The following ADAMTS3 variants were observed in gnomAD, a reference collection of about 807,000 sequenced individuals.
ADAMTS3 encodes A disintegrin and metalloproteinase with thrombospondin motifs 3.
In ADAMTS3, 73 loss-of-function variants were observed where a neutral mutation model predicts 129.0. The ratio of observed to expected loss-of-function variants is 0.57; its 90% CI spans 0.47 to 0.69. ADAMTS3 has a LOEUF of 0.69. Among genes scored for constraint, ADAMTS3 ranks in the 30% least tolerant of loss-of-function variants. ADAMTS3 has a pLI of 0.00. For missense variants in ADAMTS3, 1,457 were observed against 1,514.5 expected (o/e 0.96, Z 0.63); for synonymous variants, 477 against 510.8 (o/e 0.93, Z 0.89).
chr4:72,407,678 T>G (rs1474522630), intron 4 of ADAMTS3, among the ~76,000 whole-genome samples: 1 of 152,132 alleles, frequency 6.6e-6, no homozygotes, highest in Non-Finnish European at 1.5e-5. Context: ...CACAAAGACT[T>G]AAGATGTTTG....
intron 3 of ADAMTS3, among the ~76,000 whole-genome samples, chr4:72,469,224 C>T (rs1718999681): frequency 6.6e-6 from 1 of 152,040 alleles, no homozygotes; most frequent in African/African-American, 2.4e-5. Flanking sequence ...TAACAGTTAA[C>T]CAGTTAACAA....
rs1248521173 is a variant in ADAMTS3 at position 72,400,359 on chromosome 4, A to C, written c.661+14456T>G. On this transcript the variant is annotated intron_variant, in intron 4 of 21. Transcript: ENST00000286657. ...ACACGGTGTGTATATATACGTGTGC[A>C]TAGATATGCACACGGTGTGTATATA... Among the ~76,000 whole-genome samples, 2 of 146,396 alleles carry C rather than the reference A, an allele frequency of 1.4e-5. 1 individual carries two copies. Among genetic ancestry groups the C allele is most frequent in the Non-Finnish European group, 3.0e-5 (2 of 65,940 alleles).
chr4:72,459,160 G>T (rs1718700078), intron 3 of ADAMTS3, among the ~76,000 whole-genome samples: 1 of 151,568 alleles, frequency 6.6e-6, no homozygotes, highest in South Asian at 2.1e-4. Flanking sequence ...TGTGTTAAGT[G>T]AAAGATGAGG....
chr4:72,429,421 C>T (rs554260193), intron 3 of ADAMTS3, among the ~76,000 whole-genome samples: 122 of 152,062 alleles, frequency 8.0e-4, no homozygotes, highest in Non-Finnish European at 1.3e-3. Context: ...TACCAACAGT[C>T]AGTTGTTATA....
At chr4:72,352,410 T>C (rs1720462995) in intron 4 of ADAMTS3, among the ~76,000 whole-genome samples, 1 of 152,030 alleles carries the variant, frequency 6.6e-6, no homozygotes, top group African/African-American at 2.4e-5. Context: ...CCTTCACATA[T>C]AAAGATGTTA....
At chr4:72,509,540 C>G (rs943681211) in intron 3 of ADAMTS3, among the ~76,000 whole-genome samples, 1 of 151,928 alleles carries the variant, frequency 6.6e-6, no homozygotes, top group Non-Finnish European at 1.5e-5. Context: ...TTCCTAGATA[C>G]ATACAACCTA....
At chr4:72,425,926 T>G (rs569905347) in intron 3 of ADAMTS3, among the ~76,000 whole-genome samples, 1 of 152,114 alleles carries the variant, frequency 6.6e-6, no homozygotes, top group South Asian at 2.1e-4. Flanking sequence ...TCCACAATGG[T>G]TGAACTAGTT....
chr4:72,327,459 C>T (rs1409073511), intron 5 of ADAMTS3, among the ~76,000 whole-genome samples: 2 of 152,112 alleles, frequency 1.3e-5, no homozygotes, highest in African/African-American at 4.8e-5. Flanking sequence ...AACACTTTAC[C>T]TATATTGATT....
At chr4:72,293,715 G>A (rs983931315) in intron 19 of ADAMTS3, among the ~76,000 whole-genome samples, 2 of 152,010 alleles carry the variant, frequency 1.3e-5, no homozygotes, top group African/African-American at 4.8e-5. Flanking sequence ...TTTTATACAC[G>A]TATGAACATC....
At chr4:72,537,536 G>A (rs1402635015) in intron 3 of ADAMTS3, among the ~76,000 whole-genome samples, 1 of 152,022 alleles carries the variant, frequency 6.6e-6, no homozygotes, top group Non-Finnish European at 1.5e-5. Context: ...GCTCAGAAAA[G>A]ACCTGAGAAG....
intron 3 of ADAMTS3, among the ~76,000 whole-genome samples, chr4:72,443,967 C>T (rs529278647): frequency 2.0e-5 from 3 of 151,672 alleles, no homozygotes; most frequent in East Asian, 3.9e-4. Flanking sequence ...ATTTATGGGG[C>T]CAAAATAAAC....
At chr4:72,563,765 G>C (rs1157846058) in intron 2 of ADAMTS3, among the ~76,000 whole-genome samples, 1 of 152,102 alleles carries the variant, frequency 6.6e-6, no homozygotes, top group African/African-American at 2.4e-5. Context: ...AGGAAATTCA[G>C]AACATAGATA....
intron 3 of ADAMTS3, among the ~76,000 whole-genome samples, chr4:72,519,373 G>T (rs1316507381): frequency 6.6e-6 from 1 of 152,134 alleles, no homozygotes; most frequent in African/African-American, 2.4e-5. Flanking sequence ...TCCTGAATCT[G>T]AATGTTGGCC....
chr4:72,451,934 T>TA (rs1028273461), intron 3 of ADAMTS3, among the ~76,000 whole-genome samples: 6 of 151,478 alleles, frequency 4.0e-5, no homozygotes, highest in Non-Finnish European at 8.9e-5. Flanking sequence ...CCCTTCTCTA[T>TA]AAAAAATTAG....
chr4:72,293,530 A>G (rs943942920), intron 19 of ADAMTS3, among the ~76,000 whole-genome samples: 2 of 152,070 alleles, frequency 1.3e-5, no homozygotes, highest in Admixed American at 6.6e-5. Flanking sequence ...ACTGGCTTAC[A>G]CTCCCTAGGC....
At chr4:72,311,420 G>A (rs1719232796) in intron 13 of ADAMTS3, among the ~76,000 whole-genome samples, 1 of 152,016 alleles carries the variant, frequency 6.6e-6, no homozygotes, top group African/African-American at 2.4e-5. Flanking sequence ...AGTAATAACT[G>A]AGCAGGAACA....
At chr4:72,457,351 G>T (rs922207778) in intron 3 of ADAMTS3, among the ~76,000 whole-genome samples, 2 of 151,588 alleles carry the variant, frequency 1.3e-5, no homozygotes, top group Non-Finnish European at 3.0e-5. Flanking sequence ...TAGTATAAGG[G>T]AATAAAATCT....
intron 21 of ADAMTS3, among the ~76,000 whole-genome samples, chr4:72,286,371 C>T (rs929825574): frequency 2.0e-5 from 3 of 152,190 alleles, no homozygotes; most frequent in African/African-American, 7.2e-5. Flanking sequence ...TTACATATGT[C>T]AATACTTTCC....
At chr4:72,486,017 CTGT>C (rs1719582116) in intron 3 of ADAMTS3, among the ~76,000 whole-genome samples, 2 of 152,150 alleles carry the variant, frequency 1.3e-5, no homozygotes, top group South Asian at 4.1e-4. Flanking sequence ...CAATAAATTT[CTGT>C]TGTTTAGAAA....
Sources: gnomAD v4.1 joint callset for allele counts (sites outside exome capture counted in the v4.1 genomes callset) on GRCh38, gnomAD v4.1.1 for gene constraint, MANE v1.5 for transcripts, NCBI Gene and HGNC (gene_info 2026-07-23, HGNC 2026-07-21) for gene names.